Variants in SPATA9 observed in about 807,000 individuals in gnomAD.
SPATA9 encodes the protein spermatogenesis-associated protein 9.
Under a neutral mutation model 25.5 loss-of-function variants are expected in SPATA9, and 27 were observed. The ratio of observed to expected loss-of-function variants is 1.06; its 90% CI spans 0.78 to 1.46. The LOEUF (loss-of-function observed/expected upper bound fraction) is 1.46. Ranked by LOEUF, SPATA9 falls within the 40% of genes most tolerant of loss-of-function variation. The probability of loss-of-function intolerance (pLI) is 0.00; values close to 1 mark genes in which losing one functional copy is unlikely to be tolerated. For synonymous variants in SPATA9, 102 were observed against 105.7 expected, an observed-to-expected ratio of 0.97 and a Z score of 0.21; for missense variants, 282 against 297.5, an observed-to-expected ratio of 0.95 and a Z score of 0.38.
chr5:95,722,869 C>T, the SPATA9 span, among the ~76,000 whole-genome samples: 2 of 152,260 alleles, frequency 1.3e-5, no homozygotes, highest in East Asian at 3.9e-4. Flanking sequence ...GAGTTCAACC[C>T]TTCGAAAAAT....
intron 3 of SPATA9, chr5:95,670,392 T>A (rs940019563): frequency 1.3e-5 from 2 of 152,202 alleles, no homozygotes; most frequent in African/African-American, 4.8e-5. Context: ...ATAGAGAGTT[T>A]TGGTAGAGCT....
chr5:95,682,657 C>T (rs747756064), intron 1 of SPATA9, 41 bp from the exon 2 acceptor site: 3 of 1,557,782 alleles, frequency 1.9e-6, no homozygotes, highest in Non-Finnish European at 2.6e-6. Flanking sequence ...ACTTTGAAAA[C>T]ATCCCCTAAA....
At chr5:95,668,060 C>A (rs1045753492) in intron 3 of SPATA9, among the ~76,000 whole-genome samples, 1 of 152,168 alleles carries the variant, frequency 6.6e-6, no homozygotes, top group African/African-American at 2.4e-5. Context: ...GCCTACAGAA[C>A]CATGAGCCAA....
At chr5:95,723,565 T>TA in the SPATA9 span, among the ~76,000 whole-genome samples, 2 of 152,246 alleles carry the variant, frequency 1.3e-5, no homozygotes, top group Non-Finnish European at 1.5e-5. Flanking sequence ...TTTGTTTTTT[T>TA]AAAAAGCTAA....
At position 95,658,784 on chromosome 5, in the gene SPATA9, T is replaced by C. The variant is rs1265611126; in HGVS notation, c.604A>G (p.Met202Val). ...AFSEPVLSEPMFAEGEIKAKP... is the reference protein window; with the variant it reads ...AFSEPVLSEPVFAEGEIKAKP... ...GCTTTGATTTCACCTTCAGCAAACA[T>C]AGGCTCCGAAAGCACAGGCTCAGAA... Residue 202 changes from methionine (M) to valine (V), a missense_variant, in exon 5 of 5, where the codon ATG becomes GTG. Physicochemically the swap from Met to Val is conservative, Grantham distance 21. Transcript: ENST00000274432. The C allele has an allele frequency of 1.9e-6, 3 of 1,613,948 alleles. No homozygotes were observed. In the South Asian group the frequency reaches 3.3e-5, roughly 18 times the overall value.
Position 95,682,540 on chromosome 5 carries a change from T to C in SPATA9, c.138A>G (p.Ser46=), listed in dbSNP as rs1266599628. ...KDEFPTILRL[S]QSNQKREPAQ... is the part of the protein sequence containing the mutation. ...AAAATCACATTACCTGATTAGACTG[T>C]GATAATCTTAGGATGGTGGGAAATT... Residue 46 remains serine, a synonymous_variant, in exon 2 of 5, where the codon TCA becomes TCG. Transcript: ENST00000274432. 6.2e-7 allele frequency: 1 copy of C among 1,608,346 alleles called. No individual in the cohort carries two copies. The highest frequency in any genetic ancestry group is 1.7e-5 in the Admixed American group (1 of 59,808).
At chr5:95,687,809 C>T (rs144319667), upstream of SPATA9, among the ~76,000 whole-genome samples, 4 of 152,258 alleles carry the variant, frequency 2.6e-5, 1 homozygote, top group Admixed American at 2.0e-4. Flanking sequence ...TGTCTGTTTC[C>T]CCTATCAGAT....
upstream of SPATA9, chr5:95,698,715 G>A (rs1233538249): frequency 6.6e-6 from 1 of 152,102 alleles, no homozygotes; most frequent in East Asian, 1.9e-4. Context: ...TCCAAGCCTG[G>A]AGCAAAACTC....
chr5:95,687,441 G>A (rs975393705), upstream of SPATA9, among the ~76,000 whole-genome samples: 2 of 152,182 alleles, frequency 1.3e-5, no homozygotes, highest in African/African-American at 4.8e-5. Context: ...AAATGTATTA[G>A]GGGAGTGTAT....
At chr5:95,686,928 T>C (rs1342857530), upstream of SPATA9, among the ~76,000 whole-genome samples, 3 of 152,178 alleles carry the variant, frequency 2.0e-5, no homozygotes, top group African/African-American at 7.2e-5. Flanking sequence ...AAGTTAGCTA[T>C]ACAGCTAGGG....
At chr5:95,711,580 T>G in the SPATA9 span, among the ~76,000 whole-genome samples, 1 of 152,018 alleles carries the variant, frequency 6.6e-6, no homozygotes, top group East Asian at 1.9e-4. Context: ...CGAGAGGCAA[T>G]GGGTGGCGAG....
upstream of SPATA9, among the ~76,000 whole-genome samples, chr5:95,686,251 C>T (rs1252199899): frequency 6.6e-6 from 1 of 152,078 alleles, no homozygotes; most frequent in African/African-American, 2.4e-5. Flanking sequence ...TGGTTGCTAC[C>T]TCAAGACTAT....
chr5:95,702,956 C>T (rs750108831), upstream of SPATA9, among the ~76,000 whole-genome samples: 4 of 152,178 alleles, frequency 2.6e-5, no homozygotes, highest in Non-Finnish European at 5.9e-5. Flanking sequence ...CTATAGTTTG[C>T]ATTGACTTCA....
chr5:95,714,977 A>G, the SPATA9 span, among the ~76,000 whole-genome samples: 2 of 152,312 alleles, frequency 1.3e-5, no homozygotes, highest in East Asian at 3.9e-4. Context: ...TGCAATCCCA[A>G]TTAAAATCTT....
chr5:95,691,215 CAAA>C (rs35098619), intron 1 of SPATA9, among the ~76,000 whole-genome samples: 1 of 139,114 alleles, frequency 7.2e-6, no homozygotes. Context: ...GACTCCGTCT[CAAA>C]AAAAAAAAAA....
intron 1 of SPATA9, among the ~76,000 whole-genome samples, chr5:95,688,552 A>G (rs1052724031): frequency 5.3e-5 from 8 of 152,180 alleles, no homozygotes; most frequent in Non-Finnish European, 1.0e-4. Context: ...CTGGCCAGAA[A>G]TCATGCATTT....
intron 1 of SPATA9, among the ~76,000 whole-genome samples, chr5:95,691,560 T>C (rs1034823623): frequency 1.3e-5 from 2 of 151,938 alleles, no homozygotes; most frequent in African/African-American, 2.4e-5. Flanking sequence ...TTCTTTGTAG[T>C]AGTGTTTTTT....
At chr5:95,729,595 T>C in the SPATA9 span, among the ~76,000 whole-genome samples, 1 of 152,208 alleles carries the variant, frequency 6.6e-6, no homozygotes, top group Non-Finnish European at 1.5e-5. Flanking sequence ...GTACGAACTA[T>C]ATATGCACCT....
intron 4 of SPATA9, among the ~76,000 whole-genome samples, chr5:95,661,464 G>T (rs148216512): frequency 1.7e-3 from 259 of 152,110 alleles, no homozygotes; most frequent in African/African-American, 6.0e-3. Context: ...TCTATTACCT[G>T]CTTATAAAGT....
Sources: allele counts gnomAD v4.1 joint callset (sites outside exome capture counted in the v4.1 genomes callset), GRCh38; gene constraint gnomAD v4.1.1; transcripts MANE v1.5; gene names NCBI Gene and HGNC (gene_info 2026-07-23, HGNC 2026-07-21).